ATRNL1: variants seen among roughly 807,000 people sequenced by gnomAD.
The protein encoded by ATRNL1 is attractin like 1.
In ATRNL1, 95 loss-of-function variants were observed where a neutral mutation model predicts 182.7. That is an observed-to-expected ratio of 0.52 (90% CI 0.44 to 0.62). The LOEUF (loss-of-function observed/expected upper bound fraction) is 0.62, where lower values mean the gene tolerates loss of function less well. Among genes scored for constraint, ATRNL1 ranks in the 20% least tolerant of loss-of-function variants. ATRNL1 has a pLI of 0.00. For synonymous variants in ATRNL1, 576 were observed against 568.3 expected (o/e 1.01, Z -0.19); for missense variants, 1,471 against 1,679.5 (o/e 0.88, Z 2.17).
chr10:115,655,046 A>T (rs1860247879), intron 26 of ATRNL1, among the ~76,000 whole-genome samples: 1 of 152,120 alleles, frequency 6.6e-6, no homozygotes, highest in Non-Finnish European at 1.5e-5. Flanking sequence ...GGAGAGAGAA[A>T]GATGGAGAGA....
At chr10:115,280,713 G>A (rs1407068503) in intron 13 of ATRNL1, among the ~76,000 whole-genome samples, 4 of 152,164 alleles carry the variant, frequency 2.6e-5, no homozygotes, top group Admixed American at 2.0e-4. Flanking sequence ...CCCAGTCTCC[G>A]GGGTGTAGAC....
intron 17 of ATRNL1, 105 bp from the exon 18 acceptor site, chr10:115,315,413 A>G (rs1314988071): frequency 2.5e-6 from 2 of 797,110 alleles, no homozygotes; most frequent in Non-Finnish European, 3.9e-6. Flanking sequence ...ACTATAGATG[A>G]CCTTTCATGG....
chr10:115,131,021 C>A (rs1311029602), intron 5 of ATRNL1, among the ~76,000 whole-genome samples: 1 of 151,990 alleles, frequency 6.6e-6, no homozygotes, highest in Non-Finnish European at 1.5e-5. Flanking sequence ...AGATCTGATT[C>A]AAAGTATTAA....
chr10:115,831,527 C>T (rs1450990852), intron 27 of ATRNL1, among the ~76,000 whole-genome samples: 1 of 152,186 alleles, frequency 6.6e-6, no homozygotes, highest in East Asian at 1.9e-4. Flanking sequence ...AAAAGCACGC[C>T]GGGGTGAGGG....
chr10:115,303,520 C>T (rs1421327555), intron 17 of ATRNL1, among the ~76,000 whole-genome samples: 5 of 152,112 alleles, frequency 3.3e-5, no homozygotes, highest in African/African-American at 7.2e-5. Flanking sequence ...CGCGCCCGGC[C>T]GGTATCCAAG....
chr10:115,333,266 G>A (rs1554935616), intron 18 of ATRNL1, among the ~76,000 whole-genome samples: 1 of 152,154 alleles, frequency 6.6e-6, no homozygotes, highest in Non-Finnish European at 1.5e-5. Context: ...TAGGCACAAA[G>A]AGCATGAGCC....
At chr10:115,126,037 A>C (rs891590336) in intron 3 of ATRNL1, among the ~76,000 whole-genome samples, 15 of 152,232 alleles carry the variant, frequency 9.9e-5, no homozygotes, top group African/African-American at 3.6e-4. Context: ...GTAAACAAAA[A>C]ACCAAACAGA....
intron 26 of ATRNL1, among the ~76,000 whole-genome samples, chr10:115,589,402 T>G (rs1555011490): frequency 6.6e-6 from 1 of 152,168 alleles, no homozygotes; most frequent in African/African-American, 2.4e-5. Context: ...ATTTTACAAT[T>G]ATCCTTCCTT....
chr10:115,643,226 T>G (rs1859374398), intron 26 of ATRNL1, among the ~76,000 whole-genome samples: 1 of 152,156 alleles, frequency 6.6e-6, no homozygotes, highest in African/African-American at 2.4e-5. Context: ...CAATGGAGAA[T>G]AGATAAACCC....
Position 115,783,831 on chromosome 10 carries a change from A to G in ATRNL1, c.3903+56476A>G, listed in dbSNP as rs540383680. 1.3e-3 allele frequency among the ~76,000 whole-genome samples: 205 copies of G among 152,158 alleles called. 1 individual carries two copies. The highest frequency in any genetic ancestry group is 4.3e-3 in the African/African-American group (178 of 41,524). ...AGATTGAGACCATCCTGGCCAACACAGTGTAACCCCGTCTCTACTAAAAGT... is the reference window on the plus strand; with the variant it reads ...AGATTGAGACCATCCTGGCCAACACGGTGTAACCCCGTCTCTACTAAAAGT... On this transcript the variant is annotated intron_variant, in intron 27 of 28. Transcript: ENST00000355044.
chr10:115,565,703 T>C (rs1555001502), intron 26 of ATRNL1, among the ~76,000 whole-genome samples: 1 of 152,136 alleles, frequency 6.6e-6, no homozygotes, highest in Non-Finnish European at 1.5e-5. Context: ...TTGGTAAGTA[T>C]TTTCAATCAA....
At chr10:115,619,195 C>A (rs183983884) in intron 26 of ATRNL1, among the ~76,000 whole-genome samples, 1 of 152,190 alleles carries the variant, frequency 6.6e-6, no homozygotes, top group African/African-American at 2.4e-5. Flanking sequence ...ATCCTTGGGT[C>A]TCTGGGGTCA....
At chr10:115,654,553 T>A (rs1860217618) in intron 26 of ATRNL1, among the ~76,000 whole-genome samples, 1 of 152,146 alleles carries the variant, frequency 6.6e-6, no homozygotes, top group African/African-American at 2.4e-5. Flanking sequence ...ATTTAAAATG[T>A]TACCTGGGAA....
At chr10:115,713,471 G>GTGTGTGTGTGTGTT (rs1565310456) in intron 26 of ATRNL1, among the ~76,000 whole-genome samples, 2 of 147,520 alleles carry the variant, frequency 1.4e-5, no homozygotes, top group African/African-American at 2.7e-5. Flanking sequence ...GTGTGTTTGT[G>GTGTGTGTGTGTGTT]TGTGTGTCTG....
At chr10:115,796,373 C>A (rs1949654444) in intron 27 of ATRNL1, among the ~76,000 whole-genome samples, 1 of 152,048 alleles carries the variant, frequency 6.6e-6, no homozygotes, top group South Asian at 2.1e-4. Context: ...CCTTGCTCTG[C>A]TGCCCCTAAT....
chr10:115,616,788 C>T (rs1265643616), intron 26 of ATRNL1, among the ~76,000 whole-genome samples: 1 of 152,202 alleles, frequency 6.6e-6, no homozygotes, highest in Non-Finnish European at 1.5e-5. Flanking sequence ...GCACACAGTG[C>T]AAGATTTGAG....
intron 27 of ATRNL1, among the ~76,000 whole-genome samples, chr10:115,791,715 C>T (rs1220916603): frequency 6.6e-6 from 1 of 152,038 alleles, no homozygotes; most frequent in Non-Finnish European, 1.5e-5. Context: ...GTCTATTTCA[C>T]CCCCAACCTT....
At chr10:115,170,939 T>C in intron 7 of ATRNL1, 98 bp from the exon 8 acceptor site, 1 of 706,554 alleles carries the variant, frequency 1.4e-6, no homozygotes, top group Admixed American at 3.9e-5. Context: ...TTGTGAACAA[T>C]TACTAAAATT....
chr10:115,748,760 A>C lies in ATRNL1; in HGVS notation c.3903+21405A>C, dbSNP rs139186699. Among the ~76,000 whole-genome samples the C allele has an allele frequency of 2.7e-3, 411 of 152,018 alleles. 5 individuals are homozygous for C. Among genetic ancestry groups the C allele is most frequent in the African/African-American group, 9.5e-3 (393 of 41,526 alleles). ...CTCATATTTACTTAATCTGTCATCA[A>C]AGGGAGCATTGCCGATGCCTTTAAG... On this transcript the variant is annotated intron_variant, in intron 27 of 28. Coordinates refer to ENST00000355044, the MANE Select transcript of ATRNL1 (RefSeq NM_207303.4).
Sources: allele counts gnomAD v4.1 joint callset (sites outside exome capture counted in the v4.1 genomes callset), GRCh38; gene constraint gnomAD v4.1.1; transcripts MANE v1.5; gene names NCBI Gene and HGNC (gene_info 2026-07-23, HGNC 2026-07-21).